Variants in NAALADL2 observed in about 807,000 individuals in gnomAD.
NAALADL2 encodes inactive N-acetylated-alpha-linked acidic dipeptidase-like protein 2.
Under a neutral mutation model 87.2 loss-of-function variants are expected in NAALADL2, and 76 were observed. The observed-to-expected ratio is 0.87, with a 90% CI of 0.72 to 1.05. NAALADL2 has a LOEUF of 1.05. NAALADL2 is among the 50% of genes least tolerant of loss of function. NAALADL2 has a pLI of 0.00. For missense variants in NAALADL2, 1,089 were observed against 945.8 expected (o/e 1.15, Z -1.99); for synonymous variants, 354 against 331.0 (o/e 1.07, Z -0.75).
chr3:174,626,827 T>C (rs1721624867), intron 2 of NAALADL2, among the ~76,000 whole-genome samples: 1 of 152,076 alleles, frequency 6.6e-6, no homozygotes, highest in African/African-American at 2.4e-5. Context: ...TCAGGATTCT[T>C]AATACCAATT....
At chr3:174,872,265 A>G (rs575483561) in intron 1 of NAALADL2, among the ~76,000 whole-genome samples, 1 of 152,244 alleles carries the variant, frequency 6.6e-6, no homozygotes, top group East Asian at 1.9e-4. Context: ...CACTTTACAG[A>G]TATGGCCATA....
intron 1 of NAALADL2, among the ~76,000 whole-genome samples, chr3:174,979,309 T>TC (rs1222248014): frequency 4.3e-5 from 6 of 141,094 alleles, no homozygotes; most frequent in Non-Finnish European, 9.2e-5. Flanking sequence ...CTTTTCTTTT[T>TC]TTTTTTTTTT....
chr3:175,192,413 C>T (rs1210916067), intron 2 of NAALADL2, among the ~76,000 whole-genome samples: 1 of 151,992 alleles, frequency 6.6e-6, no homozygotes, highest in Non-Finnish European at 1.5e-5. Flanking sequence ...ACTCATAAAT[C>T]CGTTTGTCGT....
intron 1 of NAALADL2, among the ~76,000 whole-genome samples, chr3:174,463,603 T>TC (rs1553769475): frequency 6.8e-6 from 1 of 146,328 alleles, no homozygotes; most frequent in Non-Finnish European, 1.5e-5. Context: ...GATTATCTTT[T>TC]TTTTTTTTTT....
intron 3 of NAALADL2, among the ~76,000 whole-genome samples, chr3:174,748,765 T>G: frequency 6.6e-6 from 1 of 152,184 alleles, no homozygotes; most frequent in East Asian, 1.9e-4. Flanking sequence ...CTTGATATAG[T>G]GCAAAAAGCA....
chr3:175,363,344 T>C lies in NAALADL2; in HGVS notation c.1090+39019T>C, dbSNP rs771167570. The stretch of plus-strand genomic sequence containing the variant: ...CATTTTTTTCCATTTGTTTGCTTTG[T>C]TTATTTCGTATTATGGCTTTTCTTC... On this transcript the variant is annotated intron_variant, in intron 5 of 13. Transcript: ENST00000454872. Among the ~76,000 whole-genome samples the C allele has an allele frequency of 2.1e-4, 31 of 148,112 alleles. 4 individuals carry two copies. The highest frequency in any genetic ancestry group is 3.6e-4 in the Non-Finnish European group (24 of 66,542).
chr3:174,441,586 A>G (rs1294069885), intron 1 of NAALADL2, among the ~76,000 whole-genome samples: 4 of 152,210 alleles, frequency 2.6e-5, no homozygotes, highest in African/African-American at 9.6e-5. Flanking sequence ...AAGGAAGTTT[A>G]TGAGAAGCCA....
intron 2 of NAALADL2, among the ~76,000 whole-genome samples, chr3:174,735,034 G>C (rs1319793784): frequency 6.6e-6 from 1 of 151,978 alleles, no homozygotes; most frequent in East Asian, 1.9e-4. Context: ...GCTTATTTTG[G>C]GTTAAGTAAT....
intron 9 of NAALADL2, among the ~76,000 whole-genome samples, chr3:175,518,451 A>T (rs35924030): frequency 1.3e-5 from 2 of 152,298 alleles, no homozygotes; most frequent in South Asian, 2.1e-4. Flanking sequence ...AAATATGTAT[A>T]CATACTGTCT....
chr3:175,465,473 C>CTGTTTTTTTTTTTTTTT (rs1723855820), intron 7 of NAALADL2, among the ~76,000 whole-genome samples: 1 of 106,746 alleles, frequency 9.4e-6, no homozygotes, highest in African/African-American at 3.8e-5. Context: ...TGAATTAAAT[C>CTGTTTTTTTTTTTTTTT]TTTTTTTTTT....
intron 3 of NAALADL2, among the ~76,000 whole-genome samples, chr3:174,781,080 T>G (rs1046341852): frequency 6.6e-6 from 1 of 152,110 alleles, no homozygotes; most frequent in African/African-American, 2.4e-5. Flanking sequence ...TGAAAATTCT[T>G]TTTGTTAAGA....
intron 3 of NAALADL2, among the ~76,000 whole-genome samples, chr3:174,826,478 T>C (rs1240637311): frequency 6.6e-6 from 1 of 152,196 alleles, no homozygotes; most frequent in Non-Finnish European, 1.5e-5. Context: ...GAGGCCTCAT[T>C]AAATGTTGGC....
intron 11 of NAALADL2, among the ~76,000 whole-genome samples, chr3:175,722,779 G>A (rs571435381): frequency 3.5e-4 from 54 of 152,142 alleles, no homozygotes; most frequent in Admixed American, 8.5e-4. Flanking sequence ...GAAAGGTCTG[G>A]CACATAGTAG....
intron 2 of NAALADL2, among the ~76,000 whole-genome samples, chr3:175,159,035 T>C (rs1027505893): frequency 1.3e-5 from 2 of 152,104 alleles, no homozygotes; most frequent in Admixed American, 6.6e-5. Flanking sequence ...AGAAATCAAA[T>C]TAAGAGATAA....
intron 12 of NAALADL2, 113 bp downstream of exon 12, chr3:175,737,512 T>C: frequency 1.5e-6 from 1 of 679,320 alleles, no homozygotes; most frequent in East Asian, 2.8e-5. Flanking sequence ...AATGCTGTGC[T>C]TCCTGGAGAG....
intron 9 of NAALADL2, among the ~76,000 whole-genome samples, chr3:175,573,511 A>G (rs927568367): frequency 1.3e-5 from 2 of 152,246 alleles, no homozygotes; most frequent in African/African-American, 4.8e-5. Flanking sequence ...CTAGTGATGG[A>G]TGTTAATAAA....
intron 10 of NAALADL2, among the ~76,000 whole-genome samples, chr3:175,613,664 A>G (rs1724963009): frequency 6.6e-6 from 1 of 152,152 alleles, no homozygotes; most frequent in African/African-American, 2.4e-5. Flanking sequence ...CAAATGGTTA[A>G]GAGCACAGAT....
intron 1 of NAALADL2, among the ~76,000 whole-genome samples, chr3:175,011,272 CAGAGAGACAG>C (rs1176538566): frequency 0.016 from 1,794 of 110,186 alleles, 30 homozygotes; most frequent in African/African-American, 0.05. Flanking sequence ...GGGAGAGAGA[CAGAGAGACAG>C]AGAGAGAGAG....
chr3:175,409,595 CA>C (rs903746319), intron 5 of NAALADL2, among the ~76,000 whole-genome samples: 38 of 151,766 alleles, frequency 2.5e-4, no homozygotes, highest in African/African-American at 8.9e-4. Flanking sequence ...GTTATTTAAA[CA>C]AACAGAAGGA....
Sources: allele counts gnomAD v4.1 joint callset (sites outside exome capture counted in the v4.1 genomes callset), GRCh38; gene constraint gnomAD v4.1.1; transcripts MANE v1.5; gene names NCBI Gene and HGNC (gene_info 2026-07-23, HGNC 2026-07-21).